AGBL4: variants seen among roughly 807,000 people sequenced by gnomAD.
The protein encoded by AGBL4 is cytosolic carboxypeptidase 6.
In AGBL4, 58 loss-of-function variants were observed where a neutral mutation model predicts 66.4. The observed-to-expected ratio is 0.87, with a 90% CI of 0.71 to 1.09. The LOEUF is 1.09. Among genes scored for constraint, AGBL4 ranks in the 50% least tolerant of loss-of-function variants. The pLI, the probability that AGBL4 is intolerant of heterozygous loss-of-function variation, is 0.00. For synonymous variants in AGBL4, 234 were observed against 222.9 expected, an observed-to-expected ratio of 1.05 and a Z score of -0.44; for missense variants, 579 against 631.0, an observed-to-expected ratio of 0.92 and a Z score of 0.88.
downstream of AGBL4, among the ~76,000 whole-genome samples, chr1:48,532,508 G>A (rs1357958536): frequency 6.6e-6 from 1 of 152,138 alleles, no homozygotes; most frequent in South Asian, 2.1e-4. Context: ...GCCAATATGT[G>A]ATCACATTAT....
At chr1:48,779,461 C>T (rs115948908) in intron 6 of AGBL4, among the ~76,000 whole-genome samples, 2,514 of 152,246 alleles carry the variant, frequency 0.017, 21 homozygotes, top group Non-Finnish European at 0.025. Context: ...TCCCAACCAC[C>T]CACACTTTTC....
At chr1:49,786,248 G>A (rs912657149) in intron 2 of AGBL4, among the ~76,000 whole-genome samples, 2 of 151,982 alleles carry the variant, frequency 1.3e-5, no homozygotes, top group African/African-American at 2.4e-5. Flanking sequence ...ATCAAACTAT[G>A]TATATAGTGT....
intron 5 of AGBL4, among the ~76,000 whole-genome samples, chr1:49,024,022 G>A (rs1300712123): frequency 6.6e-6 from 1 of 152,094 alleles, no homozygotes; most frequent in African/African-American, 2.4e-5. Flanking sequence ...GAGAGCAATT[G>A]GCAAGGTATC....
chr1:49,488,442 G>A (rs887784981), intron 3 of AGBL4, among the ~76,000 whole-genome samples: 7 of 150,766 alleles, frequency 4.6e-5, no homozygotes, highest in African/African-American at 1.5e-4. Context: ...AGATAATTAC[G>A]GGATAATGAG....
chr1:49,037,626 CAT>C (rs913616678), intron 5 of AGBL4, among the ~76,000 whole-genome samples: 5 of 152,126 alleles, frequency 3.3e-5, no homozygotes, highest in African/African-American at 1.2e-4. Flanking sequence ...CCTCTTTACA[CAT>C]GTTTGATACT....
At chr1:49,743,145 T>C (rs975075746) in intron 2 of AGBL4, among the ~76,000 whole-genome samples, 10 of 152,146 alleles carry the variant, frequency 6.6e-5, no homozygotes, top group African/African-American at 2.4e-4. Flanking sequence ...ATTTTTGCAA[T>C]CTACTCATCT....
chr1:49,413,131 G>A (rs1382293167), intron 3 of AGBL4, among the ~76,000 whole-genome samples: 1 of 152,180 alleles, frequency 6.6e-6, no homozygotes, highest in Non-Finnish European at 1.5e-5. Flanking sequence ...ACCTGGTAGT[G>A]TCCTTTACTG....
intron 5 of AGBL4, among the ~76,000 whole-genome samples, chr1:48,872,390 T>C (rs1648760288): frequency 6.6e-6 from 1 of 152,204 alleles, no homozygotes; most frequent in Non-Finnish European, 1.5e-5. Context: ...TCATAGCTAA[T>C]ACATTTGATC....
rs1644832872 is a variant in AGBL4, at chr1:48,587,023, C to T, written c.1248G>A (p.Val416=). The T allele has an allele frequency of 3.7e-6, 6 of 1,609,976 alleles. No individual in the cohort carries two copies. The highest frequency in any genetic ancestry group is 4.2e-6 in the Non-Finnish European group (5 of 1,178,388). Residue 416 remains valine (V), a synonymous_variant, in exon 11 of 14, where the codon GTG becomes GTA. Coordinates refer to ENST00000371839, the MANE Select transcript of AGBL4 (RefSeq NM_032785.4). ...SYIISGTTAA[V]PYTEEAYMKL... ...GGATACAGGCTTCTTCAGTGTAGGG[C>T]ACAGCAGCCGTGGTGCCACTGATGA...
intron 1 of AGBL4, among the ~76,000 whole-genome samples, chr1:49,857,917 T>C (rs927312920): frequency 2.0e-5 from 3 of 152,200 alleles, no homozygotes; most frequent in African/African-American, 7.2e-5. Flanking sequence ...ATCAACAAAA[T>C]GATTAGACAA....
At chr1:49,663,213 C>A (rs1646303202) in intron 3 of AGBL4, among the ~76,000 whole-genome samples, 1 of 152,094 alleles carries the variant, frequency 6.6e-6, no homozygotes, top group Non-Finnish European at 1.5e-5. Context: ...AGGGCAGAGA[C>A]AACTTGCTGT....
intron 4 of AGBL4, among the ~76,000 whole-genome samples, chr1:49,197,494 C>T (rs354162): frequency 0.32 from 48,926 of 151,956 alleles, 8,498 homozygotes; most frequent in East Asian, 0.72. Context: ...GCTAAATCCC[C>T]GTTAACCAGG....
At chr1:49,485,446 G>A (rs1292257947) in intron 3 of AGBL4, among the ~76,000 whole-genome samples, 7 of 132,230 alleles carry the variant, frequency 5.3e-5, no homozygotes, top group Admixed American at 1.6e-4. Flanking sequence ...ATCACACACC[G>A]GGGTCTGTTG....
chr1:49,516,509 C>T (rs531803378), intron 3 of AGBL4, among the ~76,000 whole-genome samples: 1 of 152,046 alleles, frequency 6.6e-6, no homozygotes, highest in African/African-American at 2.4e-5. Context: ...TGTGGGATAA[C>T]ATTTGAGGTT....
chr1:48,873,829 T>C (rs1473246841), intron 5 of AGBL4, among the ~76,000 whole-genome samples: 1 of 152,126 alleles, frequency 6.6e-6, no homozygotes, highest in Non-Finnish European at 1.5e-5. Context: ...GCCTTCTTCA[T>C]CTTGATGGGT....
At chr1:48,960,346 A>G (rs1657861937) in intron 5 of AGBL4, among the ~76,000 whole-genome samples, 1 of 152,198 alleles carries the variant, frequency 6.6e-6, no homozygotes. Context: ...GCTTTTGGAC[A>G]AGCTGTACTT....
At chr1:49,966,267 TA>T (rs947677406) in intron 1 of AGBL4, among the ~76,000 whole-genome samples, 1 of 152,132 alleles carries the variant, frequency 6.6e-6, no homozygotes, top group African/African-American at 2.4e-5. Flanking sequence ...TAGTTTGTTG[TA>T]TTTCTTTCCT....
chr1:49,761,020 G>T (rs986957267), intron 2 of AGBL4, among the ~76,000 whole-genome samples: 1 of 152,036 alleles, frequency 6.6e-6, no homozygotes, highest in South Asian at 2.1e-4. Flanking sequence ...GGGCCTGTTG[G>T]GGGGTGGGGG....
intron 3 of AGBL4, among the ~76,000 whole-genome samples, chr1:49,296,630 A>G (rs1644648392): frequency 6.6e-6 from 1 of 152,190 alleles, no homozygotes; most frequent in Non-Finnish European, 1.5e-5. Flanking sequence ...TGGAAAGGTC[A>G]TAGCCCTGAA....
Sources: gnomAD v4.1 joint callset for allele counts (sites outside exome capture counted in the v4.1 genomes callset) on GRCh38, gnomAD v4.1.1 for gene constraint, MANE v1.5 for transcripts, NCBI Gene and HGNC (gene_info 2026-07-23, HGNC 2026-07-21) for gene names.